Variants in OLAH observed in about 807,000 individuals in gnomAD.
OLAH encodes the protein S-acyl fatty acid synthase thioesterase, medium chain.
A neutral mutation model predicts 27.8 loss-of-function variants in OLAH; 33 were observed. The observed-to-expected ratio is 1.19, with a 90% confidence interval of 0.90 to 1.59. The LOEUF is 1.59. OLAH is among the 40% of genes most tolerant of loss of function. The probability of loss-of-function intolerance (pLI) is 0.00; values close to 1 mark genes in which losing one functional copy is unlikely to be tolerated. For missense variants in OLAH, 359 were observed against 310.8 expected (o/e 1.16, Z -1.17); for synonymous variants, 120 against 102.9 (o/e 1.17, Z -1.01).
At chr10:15,040,669 T>A (rs1478730882), upstream of OLAH, among the ~76,000 whole-genome samples, 2 of 148,564 alleles carry the variant, frequency 1.3e-5, no homozygotes, top group African/African-American at 4.9e-5. Context: ...CGTTTTCTAC[T>A]CCTATTCATT....
At chr10:15,052,117 A>G (rs374606669) in intron 3 of OLAH, among the ~76,000 whole-genome samples, 51 of 152,274 alleles carry the variant, frequency 3.3e-4, no homozygotes, top group African/African-American at 1.2e-3. Flanking sequence ...CCCTGTCTCT[A>G]CTAAAAATAC....
At chr10:15,037,792 G>T (rs1176278722) in intron 1 of OLAH, among the ~76,000 whole-genome samples, 1 of 152,208 alleles carries the variant, frequency 6.6e-6, no homozygotes, top group Admixed American at 6.5e-5. Flanking sequence ...ATGGGGATGG[G>T]AGGCATTAAA....
chr10:15,065,720 T>A lies in OLAH; in HGVS notation c.539T>A (p.Ile180Lys). Residue 180 changes from isoleucine (I) to lysine (K), a missense_variant, in exon 6 of 8, where the codon ATA becomes AAA. Coordinates refer to ENST00000378228, the MANE Select transcript of OLAH (RefSeq NM_001039702.3). ...KEFVKQCSPIIRADLNIVRSC... is the reference protein window; with the variant it reads ...KEFVKQCSPIKRADLNIVRSC... The stretch of plus-strand genomic sequence containing the variant: ...TTTGTGAAACAATGTAGTCCCATCA[T>A]AAGGGCAGATCTGAACATTGTTAGA... The A allele has an allele frequency of 2.5e-6, 4 of 1,613,256 alleles. No individual in the cohort carries two copies. In the South Asian group the frequency reaches 4.4e-5, roughly 18 times the overall value.
chr10:15,057,104 C>T (rs1440354270), intron 3 of OLAH: 7 of 1,185,196 alleles, frequency 5.9e-6, no homozygotes, highest in Non-Finnish European at 6.5e-6. Flanking sequence ...TTCTTTTAAA[C>T]TTTATGCTTT....
chr10:15,042,825 C>A (rs1046487966), upstream of OLAH, among the ~76,000 whole-genome samples: 2 of 141,228 alleles, frequency 1.4e-5, no homozygotes, highest in African/African-American at 5.3e-5. Context: ...GATTTGCCCT[C>A]TGGTCTGTTT....
chr10:15,060,089 T>A (rs1248072268), intron 3 of OLAH, among the ~76,000 whole-genome samples: 1 of 152,176 alleles, frequency 6.6e-6, no homozygotes, highest in African/African-American at 2.4e-5. Context: ...CAATTACACC[T>A]ATGTTAGATC....
At chr10:15,053,167 T>A (rs1028106841) in intron 3 of OLAH, among the ~76,000 whole-genome samples, 7 of 152,268 alleles carry the variant, frequency 4.6e-5, no homozygotes, top group African/African-American at 1.7e-4. Flanking sequence ...AGTAGGTAGT[T>A]AGACATAAAC....
intron 3 of OLAH, among the ~76,000 whole-genome samples, chr10:15,061,479 T>C (rs1844361344): frequency 6.6e-6 from 1 of 151,964 alleles, no homozygotes; most frequent in Non-Finnish European, 1.5e-5. Context: ...TCAGTTCCTT[T>C]GTTTTTTTTT....
chr10:15,064,998 C>T (rs1844440115), intron 5 of OLAH, among the ~76,000 whole-genome samples: 1 of 152,186 alleles, frequency 6.6e-6, no homozygotes, highest in Non-Finnish European at 1.5e-5. Flanking sequence ...TGATTTTGCA[C>T]CAACCTAATA....
At chr10:15,039,651 T>C (rs1466731532), upstream of OLAH, among the ~76,000 whole-genome samples, 2 of 152,146 alleles carry the variant, frequency 1.3e-5, no homozygotes, top group Non-Finnish European at 2.9e-5. Context: ...CATGATTGTA[T>C]CTTTACTCAT....
At chr10:15,048,169 T>C (rs556833929) in intron 2 of OLAH, among the ~76,000 whole-genome samples, 1 of 152,330 alleles carries the variant, frequency 6.6e-6, no homozygotes, top group Non-Finnish European at 1.5e-5. Flanking sequence ...ATCACCTGAT[T>C]GGGTACTTGG....
upstream of OLAH, among the ~76,000 whole-genome samples, chr10:15,039,945 C>A (rs923724852): frequency 6.6e-6 from 1 of 152,202 alleles, no homozygotes; most frequent in Non-Finnish European, 1.5e-5. Flanking sequence ...TGCTTCTGAA[C>A]CCCTGAACCT....
At chr10:15,043,186 T>A (rs1404701903), upstream of OLAH, among the ~76,000 whole-genome samples, 1 of 152,020 alleles carries the variant, frequency 6.6e-6, no homozygotes. Context: ...GTCAGTTACT[T>A]AACCTCTCTG....
chr10:15,043,139 T>C (rs564226208), upstream of OLAH, among the ~76,000 whole-genome samples: 52 of 152,162 alleles, frequency 3.4e-4, no homozygotes, highest in East Asian at 2.3e-3. Flanking sequence ...GGATTACAGG[T>C]GTGAGCCACC....
chr10:15,063,271 C>G (rs1213468593), intron 4 of OLAH, among the ~76,000 whole-genome samples: 1 of 152,086 alleles, frequency 6.6e-6, no homozygotes. Flanking sequence ...ACTACAGGAG[C>G]ATGCCACCAC....
intron 3 of OLAH, chr10:15,056,898 C>T (rs12767853): frequency 0.078 from 120,190 of 1,533,854 alleles, 5,040 homozygotes; most frequent in Middle Eastern, 0.12. Flanking sequence ...TTCAGCCTAC[C>T]CATGTGCTGG....
upstream of OLAH, among the ~76,000 whole-genome samples, chr10:15,040,615 G>C (rs1843905475): frequency 6.6e-6 from 1 of 151,900 alleles, no homozygotes; most frequent in East Asian, 1.9e-4. Flanking sequence ...CCCCGTCCTA[G>C]ATGAACAAGT....
At chr10:15,034,776 C>A (rs10906811) in intron 1 of OLAH, among the ~76,000 whole-genome samples, 9 of 150,678 alleles carry the variant, frequency 6.0e-5, no homozygotes, top group Non-Finnish European at 1.0e-4. Context: ...GTACTGCAGA[C>A]AGTTTTCATT....
chr10:15,064,502 T>G lies in OLAH; in HGVS notation c.402T>G (p.His134Gln), dbSNP rs1430636650. The G allele has an allele frequency of 6.4e-7, 1 of 1,558,940 alleles. No individual in the cohort carries two copies. Among genetic ancestry groups the G allele is most frequent in the African/African-American group, 1.4e-5 (1 of 71,954 alleles). Residue 134 changes from histidine (H) to glutamine (Q), a missense_variant and splice_region_variant, in exon 5 of 8, where the codon CAT (histidine) becomes CAG (glutamine). His to Gln is a conservative substitution (Grantham distance 24, BLOSUM62 0). Coordinates refer to ENST00000378228, the MANE Select transcript of OLAH (RefSeq NM_001039702.3). ...HLFLSSATPV[H>Q]SKAWHRIPKD... ...TTTTGTCAAGTGCAACTCCTGTACATGTAAGTAATTTAGCTTTTTCCTAGG... is the reference window on the plus strand; with the variant it reads ...TTTTGTCAAGTGCAACTCCTGTACAGGTAAGTAATTTAGCTTTTTCCTAGG...
Sources: allele counts gnomAD v4.1 joint callset (sites outside exome capture counted in the v4.1 genomes callset), GRCh38; gene constraint gnomAD v4.1.1; transcripts MANE v1.5; gene names NCBI Gene and HGNC (gene_info 2026-07-23, HGNC 2026-07-21).